Variants in LIPJ observed in about 807,000 individuals in gnomAD.
The protein encoded by LIPJ is lipase member J.
In LIPJ, 33 loss-of-function variants were observed where a neutral mutation model predicts 39.8. That is an observed-to-expected ratio of 0.83 (90% CI 0.63 to 1.11). LIPJ has a LOEUF of 1.11. Ranked by LOEUF, LIPJ falls within the 50% of genes least tolerant of loss-of-function variation. LIPJ has a pLI of 0.00. For missense variants in LIPJ, 422 were observed against 427.9 expected (o/e 0.99, Z 0.12); for synonymous variants, 128 against 139.2 (o/e 0.92, Z 0.57).
the LIPJ span, among the ~76,000 whole-genome samples, chr10:88,612,071 G>A: frequency 2.0e-5 from 3 of 152,068 alleles, no homozygotes; most frequent in Admixed American, 6.6e-5. Flanking sequence ...CAGGTGTCTC[G>A]GCAGAAACCC....
chr10:88,605,224 C>A (rs1354367602), intron 9 of LIPJ, among the ~76,000 whole-genome samples: 1 of 152,084 alleles, frequency 6.6e-6, no homozygotes, highest in Non-Finnish European at 1.5e-5. Flanking sequence ...AAAGTGACTT[C>A]TGGGACAAAC....
At chr10:88,596,131 A>G in intron 6 of LIPJ, 149 bp from the exon 7 acceptor site, 1 of 524,490 alleles carries the variant, frequency 1.9e-6, no homozygotes, top group Non-Finnish European at 3.0e-6. Flanking sequence ...ATACTAGGTG[A>G]TTTAAAAATG....
chr10:88,593,994 G>A (rs955475407), exon 5 of LIPJ: 1 of 1,612,246 alleles, frequency 6.2e-7, no homozygotes, highest in Non-Finnish European at 8.5e-7. Flanking sequence ...ACATCTGCCA[G>A]CAGCTGGATT....
exon 8 of LIPJ, chr10:88,596,850 A>G: frequency 1.9e-6 from 3 of 1,600,838 alleles, no homozygotes; most frequent in Non-Finnish European, 2.6e-6. Context: ...CATTGGTTCA[A>G]AGCTGTGTCC....
chr10:88,593,227 T>A (rs1046704908), intron 4 of LIPJ: 2 of 151,834 alleles, frequency 1.3e-5, no homozygotes, highest in African/African-American at 4.8e-5. Flanking sequence ...TTTGTTAGGA[T>A]GCTTACAGTG....
chr10:88,583,196 G>A (rs756949915), upstream of LIPJ: 7 of 1,613,754 alleles, frequency 4.3e-6, no homozygotes, highest in South Asian at 2.2e-5. Flanking sequence ...GCCATGGCGA[G>A]AGGGAGCAGC....
downstream of LIPJ, among the ~76,000 whole-genome samples, chr10:88,611,558 C>G (rs1464932603): frequency 6.6e-6 from 1 of 152,132 alleles, no homozygotes; most frequent in South Asian, 2.1e-4. Context: ...AAATAGAGAG[C>G]ATAAGCAAAA....
At chr10:88,585,009 T>C (rs1426713549), upstream of LIPJ, among the ~76,000 whole-genome samples, 4 of 152,206 alleles carry the variant, frequency 2.6e-5, no homozygotes. Flanking sequence ...CAATTATACA[T>C]TGAAGTTTAT....
intron 2 of LIPJ, among the ~76,000 whole-genome samples, chr10:88,590,293 C>G (rs573042162): frequency 6.6e-6 from 1 of 151,834 alleles, no homozygotes; most frequent in South Asian, 2.1e-4. Context: ...TGATAAAGCT[C>G]TCAGAATTGG....
At chr10:88,606,931 A>G (rs1396759051) in exon 11 of LIPJ, 2 of 1,451,794 alleles carry the variant, frequency 1.4e-6, no homozygotes, top group Non-Finnish European at 1.8e-6. Flanking sequence ...TGTGTGTTTA[A>G]AGATCTACAT....
chr10:88,598,964 T>TATATTATATTATTACAATAATATAAA (rs1851358209), intron 8 of LIPJ, among the ~76,000 whole-genome samples: 1 of 145,628 alleles, frequency 6.9e-6, no homozygotes, highest in South Asian at 2.1e-4. Flanking sequence ...AATAATATAA[T>TATATTATATTATTACAATAATATAAA]ATATTATATT....
At chr10:88,603,685 G>A (rs1279798555) in intron 9 of LIPJ, among the ~76,000 whole-genome samples, 1 of 152,048 alleles carries the variant, frequency 6.6e-6, no homozygotes, top group Non-Finnish European at 1.5e-5. Flanking sequence ...GAAAAATATT[G>A]TAAGAATTGA....
the LIPJ span, among the ~76,000 whole-genome samples, chr10:88,612,981 T>C: frequency 6.6e-6 from 1 of 152,200 alleles, no homozygotes; most frequent in Non-Finnish European, 1.5e-5. Flanking sequence ...GACCATATGA[T>C]AGGCCACAAA....
the LIPJ span, among the ~76,000 whole-genome samples, chr10:88,617,422 A>C: frequency 6.6e-6 from 1 of 152,232 alleles, no homozygotes; most frequent in African/African-American, 2.4e-5. Context: ...GAAGAAAGTA[A>C]ATACCAGGAA....
chr10:88,602,448 G>C, intron 8 of LIPJ, 128 bp from the exon 9 acceptor site: 1 of 539,842 alleles, frequency 1.9e-6, no homozygotes, highest in South Asian at 3.0e-5. Context: ...TTGATGATTT[G>C]TTTATTAATA....
downstream of LIPJ, among the ~76,000 whole-genome samples, chr10:88,609,828 G>A (rs1490851126): frequency 3.3e-5 from 5 of 150,466 alleles, no homozygotes; most frequent in Non-Finnish European, 5.9e-5. Context: ...GAACCCGGGA[G>A]GCAGAGGTTG....
At chr10:88,587,517 TTAA>T in intron 2 of LIPJ, 125 bp downstream of exon 2, 1 of 152,244 alleles carries the variant, frequency 6.6e-6, no homozygotes, top group African/African-American at 2.4e-5. Context: ...TAGTTGTGGA[TTAA>T]TGTTATTAAT....
At chr10:88,592,400 G>GT (rs1430947812) in intron 4 of LIPJ, 2 of 151,908 alleles carry the variant, frequency 1.3e-5, no homozygotes, top group Admixed American at 6.6e-5. Context: ...GTGCCTTAGA[G>GT]TGCTCTAAAG....
chr10:88,601,424 T>C (rs1564937442), intron 8 of LIPJ, among the ~76,000 whole-genome samples: 1 of 152,316 alleles, frequency 6.6e-6, no homozygotes, highest in East Asian at 1.9e-4. Context: ...GTTGGCCTTA[T>C]TTCATTCACT....
Sources: allele counts gnomAD v4.1 joint callset (sites outside exome capture counted in the v4.1 genomes callset), GRCh38; gene constraint gnomAD v4.1.1; transcripts MANE v1.5; gene names NCBI Gene and HGNC (gene_info 2026-07-23, HGNC 2026-07-21).